The following DKC1 variants were observed in gnomAD, a reference collection of about 807,000 sequenced individuals.
DKC1 encodes the protein H/ACA ribonucleoprotein complex subunit DKC1.
In DKC1, 4 loss-of-function variants were observed where a neutral mutation model predicts 46.7. That is an observed-to-expected ratio of 0.09 (90% CI 0.04 to 0.20). DKC1 has a LOEUF of 0.20. Ranked by LOEUF, DKC1 falls within the 10% of genes least tolerant of loss-of-function variation. The probability of loss-of-function intolerance (pLI) is 1.00; values close to 1 mark genes in which losing one functional copy is unlikely to be tolerated. For synonymous variants in DKC1, 141 were observed against 142.4 expected (o/e 0.99, Z 0.07); for missense variants, 171 against 404.2 (o/e 0.42, Z 4.95).
intron 5 of DKC1, 123 bp from the exon 6 acceptor site, chrX:154,766,874 A>G (rs2071752121): frequency 3.2e-6 from 2 of 625,756 alleles, no homozygotes; most frequent in Non-Finnish European, 5.4e-6. Context: ...CAAATTTTAT[A>G]GAAACACAAG....
intron 11 of DKC1, among the ~76,000 whole-genome samples, chrX:154,773,927 G>C (rs1239355773): frequency 9.0e-6 from 1 of 110,914 alleles, no homozygotes; most frequent in Non-Finnish European, 1.9e-5. Context: ...GGCCGGGCGG[G>C]GGGGCTGACC....
intron 1 of DKC1, among the ~76,000 whole-genome samples, chrX:154,763,285 G>T (rs2071704099): frequency 8.9e-6 from 1 of 112,600 alleles, no homozygotes; most frequent in African/African-American, 3.2e-5. Flanking sequence ...GGACGTGGCA[G>T]TGTCTGTGCT....
intron 5 of DKC1, 173 bp downstream of exon 5, chrX:154,766,573 G>A (rs1020414141): frequency 2.3e-5 from 11 of 483,120 alleles, no homozygotes; most frequent in East Asian, 2.2e-4. Flanking sequence ...TTGGTGGTCC[G>A]CGCTTTTTGG....
Position 154,776,220 on chromosome X carries a change from ACTC to A in DKC1, c.1377_1379del (p.Pro460del). 8.3e-7 allele frequency: 1 copy of A among 1,211,227 alleles called. No individual in the cohort carries two copies. The highest frequency in any genetic ancestry group is 1.8e-5 in the South Asian group (1 of 56,960). On this transcript the variant is annotated inframe_deletion, in exon 14 of 15. Coordinates refer to ENST00000369550, the MANE Select transcript of DKC1 (RefSeq NM_001363.5). ...AGAGAGTGAGAGTGAAAGTGACGAGACTCCTCCAGCAGCTCCTCAGTTGATCAA... is the reference window on the plus strand; with the variant it reads ...AGAGAGTGAGAGTGAAAGTGACGAGACTCCAGCAGCTCCTCAGTTGATCAA...
At chrX:154,774,429 CA>C (rs2071868635) in intron 11 of DKC1, among the ~76,000 whole-genome samples, 172 bp from the exon 12 acceptor site, 2 of 112,105 alleles carry the variant, frequency 1.8e-5, no homozygotes, top group African/African-American at 6.5e-5. Context: ...TTGTGATCTT[CA>C]ACAAGTCCTG....
At chrX:154,769,793 A>G (rs978023083) in intron 9 of DKC1, among the ~76,000 whole-genome samples, 3 of 112,609 alleles carry the variant, frequency 2.7e-5, no homozygotes, top group Non-Finnish European at 5.6e-5. Flanking sequence ...AGATGGCACC[A>G]TAATAGTTGA....
rs2071758558 is a variant in DKC1 at position 154,767,318 on chromosome X, G to A, written c.576G>A (p.Arg192=). 5.0e-6 allele frequency: 6 copies of A among 1,209,764 alleles called. No individual in the cohort carries two copies. Among genetic ancestry groups the A allele is most frequent in the Admixed American group, 2.2e-5 (1 of 45,760 alleles). ...CCCCACTTATTGCTGCAGTAAAGAG[G>A]CAGCTCCGAGTGAGGACCATCTACG... is the stretch of plus-strand genomic sequence containing the variant. ...QRPPLIAAVK[R]QLRVRTIYES... The change falls in exon 7 of 15, where the codon AGG becomes AGA. Residue 192 remains arginine, a synonymous_variant. Transcript: ENST00000369550.
chrX:154,771,159 T>C (rs1349470448), intron 10 of DKC1, among the ~76,000 whole-genome samples: 1 of 108,825 alleles, frequency 9.2e-6, no homozygotes, highest in Non-Finnish European at 1.9e-5. Context: ...ACTCTTCTTG[T>C]TCATTCTTTT....
intron 12 of DKC1, 57 bp from the exon 13 acceptor site, chrX:154,775,137 TC>T (rs1557265519): frequency 2.8e-6 from 3 of 1,068,495 alleles, no homozygotes; most frequent in Non-Finnish European, 3.9e-6. Flanking sequence ...CTACATAACA[TC>T]AGTACTGCCC....
chrX:154,776,413 T>A, intron 14 of DKC1, 89 bp downstream of exon 14: 2 of 1,107,241 alleles, frequency 1.8e-6, no homozygotes, highest in Non-Finnish European at 2.4e-6. Flanking sequence ...TTGTTACTCT[T>A]CTTGGAGGAG....
At chrX:154,776,074 C>T (rs1164819588) in intron 13 of DKC1, 113 bp from the exon 14 acceptor site, 5 of 970,173 alleles carry the variant, frequency 5.2e-6, no homozygotes, top group Non-Finnish European at 7.4e-6. Flanking sequence ...AGAAAACGTC[C>T]TGTTAGATTC....
At chrX:154,768,643 C>T in intron 8 of DKC1, 2 of 533,590 alleles carry the variant, frequency 3.7e-6, no homozygotes, top group Non-Finnish European at 6.5e-6. Context: ...TATTCATTTG[C>T]CTCCCAGCCT....
chrX:154,774,595 C>T lies in DKC1; in HGVS notation c.1156-7C>T, dbSNP rs1397887971. On this transcript the variant is annotated splice_region_variant and splice_polypyrimidine_tract_variant and intron_variant, in intron 11 of 14. Transcript: ENST00000369550. ...ATTCTAATGTTGACACCTTGATGTT[C>T]CACCAGGCAAGTCAGAAGAAGCTGA... is the stretch of plus-strand genomic sequence containing the variant. 8.3e-7 allele frequency: 1 copy of T among 1,207,695 alleles called. No individual in the cohort carries two copies. Among genetic ancestry groups the T allele is most frequent in the East Asian group, 3.0e-5 (1 of 33,837 alleles).
chrX:154,765,986 G>A lies in DKC1; in HGVS notation c.251G>A (p.Gly84Glu). The A allele has an allele frequency of 8.3e-7, 1 of 1,200,207 alleles. No homozygotes were observed. Among genetic ancestry groups the A allele is most frequent in the Non-Finnish European group, 1.1e-6 (1 of 884,830 alleles). The change falls in exon 4 of 15, where the codon GGG (glycine) becomes GAG (glutamate). Residue 84 changes from glycine (G) to glutamate (E), a missense_variant. This residue lies in a region of DKC1 where 41 missense variants were observed against 117.3 expected (regional missense o/e 0.35). Transcript: ENST00000369550. ...TCAAATCCTCTGAAGAGAGAGATTG[G>A]GGACTATATCAGGTAAGTGTTGGGA... is the stretch of plus-strand genomic sequence containing the variant. Reference protein sequence around the residue: ...CGSNPLKREIGDYIRTGFINL... With the variant: ...CGSNPLKREIEDYIRTGFINL...
rs2071812358 is a variant in DKC1 at position 154,770,685 on chromosome X, C to A, written c.916-74C>A. ...GTGTCAGGCCCCACTCCCTTGTTGT[C>A]CTCCTTTACTCTGGTGTGGGAGTGG... On this transcript the variant is annotated intron_variant, in intron 9 of 14. Transcript: ENST00000369550. 4.2e-6 allele frequency: 5 copies of A among 1,189,810 alleles called. No individual in the cohort carries two copies. The Admixed American group carries it at 1.1e-4, about 26-fold the overall frequency.
In DKC1 at chrX:154,769,348, G is replaced by A. The variant is rs376458002; in HGVS notation, c.915+38G>A. The stretch of plus-strand genomic sequence containing the variant: ...TTAGGAGTTTATATTTGGAAAGAAC[G>A]TACTCCAAAGATGAGGCTTGCTCTT... On this transcript the variant is annotated intron_variant, in intron 9 of 14. Coordinates refer to ENST00000369550, the MANE Select transcript of DKC1 (RefSeq NM_001363.5). 2.2e-5 allele frequency: 26 copies of A among 1,169,787 alleles called. No homozygotes were observed. In the East Asian group the frequency reaches 5.7e-4, roughly 25 times the overall value.
chrX:154,762,901 C>T lies in DKC1; in HGVS notation c.-65C>T, dbSNP rs1390857858. On this transcript the variant is annotated 5_prime_UTR_variant, in exon 1 of 15. Transcript: ENST00000369550. ...GCAGCGCGGCCTGACGGGACCAAGG[C>T]GGCGGGAGTCTGCGGTCGTTCCCTC... The T allele has an allele frequency of 8.7e-6, 10 of 1,152,724 alleles. No individual in the cohort carries two copies. Among genetic ancestry groups the T allele is most frequent in the African/African-American group, 5.4e-5 (3 of 55,908 alleles). 95.0% of individuals were successfully genotyped at this position (1,152,724 alleles called of 1,213,427 possible).
chrX:154,764,914 A>G lies in DKC1; in HGVS notation c.32A>G (p.Lys11Arg). MADAEVIILP[K>R]KHKKKKERKS... ...GTTTTTTTAGTAATTATTTTGCCAAAGAAACATAAGAAGAAAAAGGAGCGG... is the reference window on the plus strand; with the variant it reads ...GTTTTTTTAGTAATTATTTTGCCAAGGAAACATAAGAAGAAAAAGGAGCGG... The change falls in exon 2 of 15, where the codon AAG (lysine) becomes AGG (arginine). Residue 11 changes from lysine (K) to arginine (R), a missense_variant. This residue lies in a region of DKC1 where 41 missense variants were observed against 117.3 expected (regional missense o/e 0.35). Transcript: ENST00000369550. 1 of 1,207,202 alleles carries G rather than the reference A, an allele frequency of 8.3e-7. No individual in the cohort carries two copies. The highest frequency in any genetic ancestry group is 1.1e-6 in the Non-Finnish European group (1 of 891,140).
chrX:154,775,591 C>T (rs2071886373), intron 13 of DKC1, among the ~76,000 whole-genome samples: 1 of 112,201 alleles, frequency 8.9e-6, no homozygotes, highest in African/African-American at 3.2e-5. Context: ...TCAATTCTGG[C>T]CCCCGCCCTG....
Sources: gnomAD v4.1 joint callset for allele counts (sites outside exome capture counted in the v4.1 genomes callset) on GRCh38, gnomAD v4.1.1 for gene constraint, gnomAD v4.1.1 regional missense constraint, MANE v1.5 for transcripts, NCBI Gene and HGNC (gene_info 2026-07-23, HGNC 2026-07-21) for gene names.